The following PI4K2A variants were observed in gnomAD, a reference collection of about 807,000 sequenced individuals.
PI4K2A encodes the protein phosphatidylinositol 4-kinase type 2-alpha.
A neutral mutation model predicts 55.0 loss-of-function variants in PI4K2A; 20 were observed. The observed-to-expected ratio is 0.36, with a 90% CI of 0.26 to 0.53. The LOEUF is 0.53. Among genes scored for constraint, PI4K2A ranks in the 20% least tolerant of loss-of-function variants. PI4K2A has a pLI of 0.91. For missense variants in PI4K2A, 463 were observed against 637.1 expected, an observed-to-expected ratio of 0.73 and a Z score of 2.94; for synonymous variants, 235 against 258.5, an observed-to-expected ratio of 0.91 and a Z score of 0.87.
chr10:97,661,213 G>T (rs1045175667), intron 4 of PI4K2A, among the ~76,000 whole-genome samples: 2 of 151,848 alleles, frequency 1.3e-5, no homozygotes, highest in Non-Finnish European at 2.9e-5. Context: ...GGATGGTCTC[G>T]ATCTCCTGAC....
intron 2 of PI4K2A, among the ~76,000 whole-genome samples, chr10:97,651,774 C>G (rs2041531140): frequency 6.6e-6 from 1 of 151,898 alleles, no homozygotes; most frequent in Non-Finnish European, 1.5e-5. Context: ...CAACCCCCAC[C>G]CCCACCAATA....
At chr10:97,654,752 A>G (rs892747278) in intron 2 of PI4K2A, among the ~76,000 whole-genome samples, 1 of 152,224 alleles carries the variant, frequency 6.6e-6, no homozygotes, top group Non-Finnish European at 1.5e-5. Context: ...TTACAAGACA[A>G]TGTGATAAGT....
chr10:97,676,110 G>T (rs184636677), exon 9 of PI4K2A: 1 of 152,500 alleles, frequency 6.6e-6, no homozygotes, highest in African/African-American at 2.4e-5. Flanking sequence ...ACGGAATTTT[G>T]AGGGCAAAGA....
chr10:97,647,301 A>G (rs965286349), intron 1 of PI4K2A, among the ~76,000 whole-genome samples: 2 of 152,238 alleles, frequency 1.3e-5, no homozygotes, highest in African/African-American at 4.8e-5. Flanking sequence ...TAGATATAAT[A>G]AAGGAATTGA....
intron 8 of PI4K2A, among the ~76,000 whole-genome samples, chr10:97,669,559 C>T (rs1413691369): frequency 6.6e-6 from 1 of 152,204 alleles, no homozygotes; most frequent in African/African-American, 2.4e-5. Flanking sequence ...AAAGTGCCTA[C>T]TACCTTAGGG....
At chr10:97,673,195 T>A (rs2041645297) in intron 8 of PI4K2A, among the ~76,000 whole-genome samples, 1 of 152,068 alleles carries the variant, frequency 6.6e-6, no homozygotes, top group Admixed American at 6.6e-5. Flanking sequence ...TTCGCCATGT[T>A]GGCCAGGCTC....
chr10:97,648,876 GT>G (rs1167763809), intron 1 of PI4K2A, among the ~76,000 whole-genome samples: 1 of 152,212 alleles, frequency 6.6e-6, no homozygotes, highest in Non-Finnish European at 1.5e-5. Context: ...GACTTATGAT[GT>G]GAATATATGC....
exon 9 of PI4K2A, chr10:97,676,086 CAAAG>C (rs1157099999): frequency 2.6e-5 from 4 of 152,430 alleles, no homozygotes; most frequent in Non-Finnish European, 5.9e-5. Flanking sequence ...GGAAGGAAGA[CAAAG>C]AAGGTAGGAA....
intron 1 of PI4K2A, among the ~76,000 whole-genome samples, chr10:97,642,067 G>A (rs2041472477): frequency 6.6e-6 from 1 of 152,122 alleles, no homozygotes. Flanking sequence ...AAATTTTCAG[G>A]TGTGCTGCAA....
chr10:97,659,778 A>G (rs77962804), intron 4 of PI4K2A, among the ~76,000 whole-genome samples: 24,489 of 151,740 alleles, frequency 0.16, 2,282 homozygotes, highest in South Asian at 0.34. Context: ...ATTAACCACA[A>G]TTTACTGTCC....
chr10:97,656,512 C>G lies in PI4K2A; in HGVS notation c.768+96C>G. 2.7e-6 allele frequency: 3 copies of G among 1,130,670 alleles called. No individual in the cohort carries two copies. The highest frequency in any genetic ancestry group is 1.4e-5 in the South Asian group (1 of 73,328). 70.0% of individuals were successfully genotyped at this position (1,130,670 alleles called of 1,614,324 possible). On this transcript the variant is annotated intron_variant, in intron 3 of 8. Transcript: ENST00000370631. This position sits in a 1 kb window ranked among gnomAD's most constrained non-coding sequence, Gnocchi z 4.5. Reference sequence around the variant, plus strand: ...GGTGCCTACAACTCAAATATGGGCACGTGAATAACCTGCCCTGAGGATCCT... The same window carrying G: ...GGTGCCTACAACTCAAATATGGGCAGGTGAATAACCTGCCCTGAGGATCCT...
intron 7 of PI4K2A, among the ~76,000 whole-genome samples, chr10:97,666,811 A>T (rs569141456): frequency 1.3e-5 from 2 of 152,286 alleles, no homozygotes; most frequent in African/African-American, 4.8e-5. Flanking sequence ...TGTGGCTGCA[A>T]TGTATCTGCA....
rs1268844135 is a variant in PI4K2A, at chr10:97,656,205, C to T, written c.637-80C>T. 1.0e-5 allele frequency: 12 copies of T among 1,162,850 alleles called. No individual in the cohort carries two copies. In the South Asian group the frequency reaches 1.3e-4, roughly 13 times the overall value. The allele number at this position is 1,162,850 out of a possible 1,614,324, so 72.0% of individuals were successfully genotyped here. On this transcript the variant is annotated intron_variant, in intron 2 of 8. Coordinates refer to ENST00000370631, the Ensembl canonical transcript of PI4K2A. The surrounding 1 kb of genome is among the most constrained non-coding windows in gnomAD (Gnocchi z 4.5). ...GAAGAGGAATAGGATTTGTGAACAT[C>T]AAGCTATTTATTCTCTGCCATAGTC... is the stretch of plus-strand genomic sequence containing the variant.
exon 9 of PI4K2A, chr10:97,676,049 T>C (rs984279457): frequency 6.6e-6 from 1 of 152,628 alleles, no homozygotes; most frequent in Non-Finnish European, 1.5e-5. Context: ...AATACAGTTC[T>C]GACCTTTTTT....
chr10:97,648,150 A>G (rs991001035), intron 1 of PI4K2A, among the ~76,000 whole-genome samples: 2 of 147,748 alleles, frequency 1.4e-5, no homozygotes, highest in East Asian at 2.0e-4. Flanking sequence ...CTGGAGTGCA[A>G]TGGCATGATC....
At chr10:97,666,561 A>G in exon 7 of PI4K2A, 1 of 1,613,308 alleles carries the variant, frequency 6.2e-7, no homozygotes, top group East Asian at 2.2e-5. Context: ...GACCTATATG[A>G]ACTCTTCAAG....
intron 2 of PI4K2A, among the ~76,000 whole-genome samples, chr10:97,652,560 C>T (rs1300261838): frequency 6.6e-6 from 1 of 152,104 alleles, no homozygotes; most frequent in Non-Finnish European, 1.5e-5. Flanking sequence ...CTTGGCCTCC[C>T]AAAGTGCTGG....
chr10:97,647,937 T>G (rs2041513159), intron 1 of PI4K2A, among the ~76,000 whole-genome samples: 1 of 151,602 alleles, frequency 6.6e-6, no homozygotes, highest in Non-Finnish European at 1.5e-5. Context: ...TGTTGTTGTT[T>G]AATTTTTCTT....
At chr10:97,664,141 C>T (rs1050849689) in intron 5 of PI4K2A, among the ~76,000 whole-genome samples, 12 of 152,306 alleles carry the variant, frequency 7.9e-5, no homozygotes, top group Admixed American at 7.2e-4. Flanking sequence ...TCAGGCCTTT[C>T]CCTTAGAAAC....
Sources: allele counts gnomAD v4.1 joint callset (sites outside exome capture counted in the v4.1 genomes callset), GRCh38; gene constraint gnomAD v4.1.1; non-coding constraint Gnocchi (gnomAD v3.1); transcripts MANE v1.5; gene names NCBI Gene and HGNC (gene_info 2026-07-23, HGNC 2026-07-21).